Variants in COPS7A observed in about 807,000 individuals in gnomAD.
The protein encoded by COPS7A is COP9 signalosome complex subunit 7a.
A neutral mutation model predicts 35.2 loss-of-function variants in COPS7A; 20 were observed. The ratio of observed to expected loss-of-function variants is 0.57; its 90% CI spans 0.40 to 0.83. COPS7A has a LOEUF of 0.83. Among genes scored for constraint, COPS7A ranks in the 40% least tolerant of loss-of-function variants. The pLI is 0.00. For missense variants in COPS7A, 247 were observed against 347.5 expected (o/e 0.71, Z 2.30); for synonymous variants, 139 against 141.4 (o/e 0.98, Z 0.12).
At chr12:6,726,622 T>C (rs1458980897) in intron 2 of COPS7A, among the ~76,000 whole-genome samples, 2 of 130,978 alleles carry the variant, frequency 1.5e-5, no homozygotes, top group African/African-American at 5.8e-5. Context: ...AATAAATAAA[T>C]AAATAAAACA....
At position 6,729,404 on chromosome 12, in the gene COPS7A, TC is replaced by T; in HGVS notation, c.487del (p.Gln163SerfsTer30). The T allele has an allele frequency of 6.2e-7, 1 of 1,614,072 alleles. No individual in the cohort carries two copies. The highest frequency in any genetic ancestry group is 8.5e-7 in the Non-Finnish European group (1 of 1,180,042). On this transcript the variant is annotated frameshift_variant, in exon 5 of 8. Coordinates refer to ENST00000543155, the MANE Select transcript of COPS7A (RefSeq NM_001164094.2). LOFTEE classifies it high-confidence loss of function. This position sits in a 1 kb window ranked among gnomAD's most constrained non-coding sequence, Gnocchi z 4.2. Reference protein sequence around the residue: ...LEVDYSIGRDIQRQDLSAIAR... With the variant: ...LEVDYSIGRDXQRQDLSAIAR... ...GTTGACTACAGCATCGGGCGGGACA[TC>T]CAGCGCCAGGACCTCAGTGCCATTG...
rs767596556 is a variant in COPS7A, at chr12:6,731,006, A to G, written c.795A>G (p.Arg265=). 2 of 1,613,574 alleles carry G rather than the reference A, an allele frequency of 1.2e-6. No homozygotes were observed. The highest frequency in any genetic ancestry group is 2.2e-5 in the South Asian group (2 of 91,056). The change falls in exon 8 of 8, where the codon CGA becomes CGG. Residue 265 remains arginine (R), a synonymous_variant. Transcript: ENST00000543155. ...TCTCTCTTCTCCTTGCCAGGCTCCG[A>G]GGGAGCGCCAAGATTTGGTCCAAGT... The part of the protein sequence containing the change: ...SKKASKGKGL[R]GSAKIWSKSN
chr12:6,730,529 C>A, intron 6 of COPS7A, 22 bp downstream of exon 6: 1 of 1,612,572 alleles, frequency 6.2e-7, no homozygotes, highest in Non-Finnish European at 8.5e-7. Flanking sequence ...GGGGAGCAGG[C>A]AGACCCAAAC....
chr12:6,728,997 G>A (rs1438624665), intron 4 of COPS7A: 9 of 498,862 alleles, frequency 1.8e-5, no homozygotes, highest in Non-Finnish European at 3.3e-5. Context: ...TCCTTCTGTG[G>A]TGTGTCAGGG....
chr12:6,724,418 CA>C (rs1565465261), intron 1 of COPS7A, 195 bp from the exon 2 acceptor site: 1 of 533,948 alleles, frequency 1.9e-6, no homozygotes, highest in East Asian at 3.4e-5. Flanking sequence ...GGGTTAGGCC[CA>C]GGGGAGGGGG....
At chr12:6,724,286 G>A (rs1398875860) in intron 1 of COPS7A, 107 bp downstream of exon 1, 2 of 397,212 alleles carry the variant, frequency 5.0e-6, no homozygotes, top group Non-Finnish European at 9.9e-6. Flanking sequence ...CGTGGTTGTG[G>A]GCGCGTGCGG....
At chr12:6,724,477 A>C (rs1941198879) in intron 1 of COPS7A, 137 bp from the exon 2 acceptor site, 2 of 753,154 alleles carry the variant, frequency 2.7e-6, no homozygotes, top group Non-Finnish European at 4.5e-6. Context: ...TTCCTAGATC[A>C]GAATTTTAGA....
chr12:6,729,507 C>T lies in COPS7A; in HGVS notation c.530+58C>T. ...CACCCTGAGAAAGAGAAAGGCGCTT[C>T]AGGGTGAGAGAGGGCAGGAGCTGGG... On this transcript the variant is annotated intron_variant, in intron 5 of 7. Coordinates refer to ENST00000543155, the MANE Select transcript of COPS7A (RefSeq NM_001164094.2). This position sits in a 1 kb window ranked among gnomAD's most constrained non-coding sequence, Gnocchi z 4.2. 2 of 1,558,314 alleles carry T rather than the reference C, an allele frequency of 1.3e-6. No homozygotes were observed. Among genetic ancestry groups the T allele is most frequent in the South Asian group, 1.1e-5 (1 of 88,350 alleles).
In COPS7A at chr12:6,730,787, G is replaced by A. The variant is rs747470345; in HGVS notation, c.755G>A (p.Arg252His). Reference sequence around the variant, plus strand: ...GAACCAGCTCCTGGCACCAACCAGCGCCAGCCCAGCAAGAAAGCCTCAAAG... The same window carrying A: ...GAACCAGCTCCTGGCACCAACCAGCACCAGCCCAGCAAGAAAGCCTCAAAG... ...LREPAPGTNQRQPSKKASKGK... is the reference protein window; with the variant it reads ...LREPAPGTNQHQPSKKASKGK... Residue 252 changes from arginine to histidine, a missense_variant, in exon 7 of 8, where the codon CGC (arginine) becomes CAC (histidine). Transcript: ENST00000543155. 4.3e-6 allele frequency: 7 copies of A among 1,614,042 alleles called. No individual in the cohort carries two copies. Among genetic ancestry groups the A allele is most frequent in the East Asian group, 2.2e-5 (1 of 44,898 alleles).
intron 2 of COPS7A, among the ~76,000 whole-genome samples, chr12:6,726,709 C>T (rs903831289): frequency 3.3e-5 from 5 of 150,486 alleles, no homozygotes; most frequent in South Asian, 2.1e-4. Flanking sequence ...TGCAGTGAGC[C>T]GAGGTCGCGC....
rs941466134 is a variant in COPS7A at position 6,730,259 on chromosome 12, C to T, written c.531-143C>T. 2.8e-5 allele frequency: 19 copies of T among 687,598 alleles called. No homozygotes were observed. The Admixed American group carries it at 2.9e-4, about 11-fold the overall frequency. 42.6% of individuals were successfully genotyped at this position (687,598 alleles called of 1,614,324 possible). A position where few individuals can be genotyped will look rare whatever the true frequency, so the allele number is the denominator to read the frequency against. On this transcript the variant is annotated intron_variant, in intron 5 of 7. Coordinates refer to ENST00000543155, the MANE Select transcript of COPS7A (RefSeq NM_001164094.2). ...CTTGAACTCCTGAGCTTAAGCAATT[C>T]GCCCATCTTGGCCTCCCAAAATGCA...
chr12:6,725,524 G>T, intron 2 of COPS7A: 1 of 436,902 alleles, frequency 2.3e-6, no homozygotes, highest in Non-Finnish European at 4.7e-6. Context: ...GAGATTATGG[G>T]AAAGTGTGAA....
rs556062503 is a variant in COPS7A, at chr12:6,729,717, G to A, written c.530+268G>A. Reference sequence around the variant, plus strand: ...GGGATCCTAACCAGCAAGGTCGGTCGCCTGTCTTAGGCTAGACTCTGTCGA... The same window carrying A: ...GGGATCCTAACCAGCAAGGTCGGTCACCTGTCTTAGGCTAGACTCTGTCGA... On this transcript the variant is annotated intron_variant, in intron 5 of 7. Coordinates refer to ENST00000543155, the MANE Select transcript of COPS7A (RefSeq NM_001164094.2). This position sits in a 1 kb window ranked among gnomAD's most constrained non-coding sequence, Gnocchi z 4.2. Among the ~76,000 whole-genome samples, 46 of 152,280 alleles carry A rather than the reference G, an allele frequency of 3.0e-4. 1 individual carries two copies. Among genetic ancestry groups the A allele is most frequent in the African/African-American group, 9.9e-4 (41 of 41,548 alleles).
chr12:6,730,881 T>TAG (rs938724180), intron 7 of COPS7A, 61 bp downstream of exon 7: 13 of 1,601,536 alleles, frequency 8.1e-6, no homozygotes, highest in Non-Finnish European at 1.1e-5. Context: ...CCCAGGGACC[T>TAG]CACTGTCCTC....
intron 2 of COPS7A, chr12:6,725,839 T>A: frequency 2.2e-6 from 1 of 456,132 alleles, no homozygotes; most frequent in Non-Finnish European, 4.4e-6. Context: ...GAAAACTGGC[T>A]GACTTTTCCC....
intron 5 of COPS7A, 82 bp from the exon 6 acceptor site, chr12:6,730,320 A>C (rs1007051018): frequency 2.2e-6 from 3 of 1,344,432 alleles, no homozygotes; most frequent in Non-Finnish European, 3.2e-6. Context: ...CCCTGCCTCT[A>C]GGGTTCTTTT....
At position 6,731,032 on chromosome 12, in the gene COPS7A, C is replaced by A; in HGVS notation, c.821C>A (p.Ser274Ter). 7.4e-6 allele frequency: 12 copies of A among 1,613,946 alleles called. No individual in the cohort carries two copies. Among genetic ancestry groups the A allele is most frequent in the South Asian group, 1.1e-5 (1 of 91,074 alleles). ...LRGSAKIWSK[S>*]N Reference sequence around the variant, plus strand: ...GGGAGCGCCAAGATTTGGTCCAAGTCGAATTGAAAGGACTGTCGTTTCCTC... The same window carrying A: ...GGGAGCGCCAAGATTTGGTCCAAGTAGAATTGAAAGGACTGTCGTTTCCTC... The change falls in exon 8 of 8, where the codon TCG becomes TAG. Residue 274 changes from serine to a stop codon, truncating the protein, a stop_gained. Transcript: ENST00000543155. LOFTEE classifies it high-confidence loss of function.
At chr12:6,726,043 G>A (rs1592467201) in intron 2 of COPS7A, 2 of 391,728 alleles carry the variant, frequency 5.1e-6, no homozygotes, top group South Asian at 1.8e-5. Context: ...GGCTGGGCAC[G>A]GTGGCTCATG....
intron 2 of COPS7A, chr12:6,725,630 A>G: frequency 2.2e-6 from 1 of 456,002 alleles, no homozygotes; most frequent in Non-Finnish European, 4.4e-6. Context: ...GCTAAGGGAG[A>G]ACGTGTCTTT....
Sources: allele counts gnomAD v4.1 joint callset (sites outside exome capture counted in the v4.1 genomes callset), GRCh38; gene constraint gnomAD v4.1.1; non-coding constraint Gnocchi (gnomAD v3.1); transcripts MANE v1.5; gene names NCBI Gene and HGNC (gene_info 2026-07-23, HGNC 2026-07-21).